The following GRIP1 variants were observed in gnomAD, a reference collection of about 807,000 sequenced individuals.
GRIP1 encodes the protein glutamate receptor-interacting protein 1.
In GRIP1, 45 loss-of-function variants were observed where a neutral mutation model predicts 129.9. The observed-to-expected ratio is 0.35, with a 90% CI of 0.27 to 0.44. GRIP1 has a LOEUF of 0.44. GRIP1 is among the 20% of genes least tolerant of loss of function. The probability of loss-of-function intolerance (pLI) is 1.00; values close to 1 mark genes in which losing one functional copy is unlikely to be tolerated. For missense variants in GRIP1, 1,196 were observed against 1,396.8 expected (o/e 0.86, Z 2.29); for synonymous variants, 530 against 520.8 (o/e 1.02, Z -0.24).
At chr12:66,795,391 TGA>T (rs2038666406) in intron 1 of GRIP1, among the ~76,000 whole-genome samples, 1 of 152,196 alleles carries the variant, frequency 6.6e-6, no homozygotes, top group Non-Finnish European at 1.5e-5. Context: ...AAGCACAATG[TGA>T]AAACATAAGA....
intron 1 of GRIP1, among the ~76,000 whole-genome samples, chr12:67,002,438 T>G (rs2042564642): frequency 6.6e-6 from 1 of 152,204 alleles, no homozygotes. Context: ...AGAATGCTGG[T>G]GTAGTGCATC....
chr12:67,018,196 C>A (rs2042815721), intron 1 of GRIP1, among the ~76,000 whole-genome samples: 2 of 152,000 alleles, frequency 1.3e-5, no homozygotes, highest in Non-Finnish European at 2.9e-5. Context: ...AAAGTCTGGG[C>A]CCAAGACTGT....
intron 1 of GRIP1, among the ~76,000 whole-genome samples, chr12:66,719,856 G>A (rs1350869497): frequency 6.6e-6 from 1 of 152,112 alleles, no homozygotes; most frequent in African/African-American, 2.4e-5. Flanking sequence ...GGAAACCTTG[G>A]GGTCATTCTA....
intron 20 of GRIP1, among the ~76,000 whole-genome samples, chr12:66,378,266 A>G (rs975044238): frequency 6.6e-6 from 1 of 151,524 alleles, no homozygotes; most frequent in Non-Finnish European, 1.5e-5. Context: ...ACATGGTGAA[A>G]CCCTGTCTCT....
chr12:67,039,701 G>C (rs2043147739), intron 1 of GRIP1, among the ~76,000 whole-genome samples: 1 of 152,076 alleles, frequency 6.6e-6, no homozygotes, highest in Non-Finnish European at 1.5e-5. Context: ...ATTATGAGGA[G>C]ACTTCTTTCT....
intron 1 of GRIP1, among the ~76,000 whole-genome samples, chr12:66,690,321 T>C (rs567276926): frequency 6.6e-6 from 1 of 152,162 alleles, no homozygotes; most frequent in South Asian, 2.1e-4. Context: ...CAGGCTCATC[T>C]ATATTGTAGT....
At chr12:66,932,140 CTGG>C (rs2041406406) in intron 1 of GRIP1, among the ~76,000 whole-genome samples, 1 of 102,438 alleles carries the variant, frequency 9.8e-6, no homozygotes, top group Non-Finnish European at 2.5e-5. Flanking sequence ...ATAAAGGCTC[CTGG>C]CCACCAATAT....
intron 2 of GRIP1, among the ~76,000 whole-genome samples, chr12:66,555,184 T>G (rs1349422314): frequency 6.6e-6 from 1 of 152,152 alleles, no homozygotes; most frequent in African/African-American, 2.4e-5. Context: ...CTTCCCCATC[T>G]CCAGGTGGCT....
At chr12:67,034,194 C>T (rs184469087) in intron 1 of GRIP1, among the ~76,000 whole-genome samples, 1 of 152,278 alleles carries the variant, frequency 6.6e-6, no homozygotes, top group African/African-American at 2.4e-5. Flanking sequence ...CAAAAGGAAC[C>T]TGCTGGAGGG....
In GRIP1 at chr12:66,506,145, T is replaced by C. The variant is rs531040003; in HGVS notation, c.724+9474A>G. Among the ~76,000 whole-genome samples, 3 of 152,306 alleles carry C rather than the reference T, an allele frequency of 2.0e-5. No individual in the cohort carries two copies. The South Asian group carries it at 6.2e-4, about 32-fold the overall frequency. On this transcript the variant is annotated intron_variant, in intron 7 of 24. Transcript: ENST00000359742. The stretch of plus-strand genomic sequence containing the variant: ...CTCGTTGGCAGTATCTACTAAAGCA[T>C]GTAACTGACATGTAACCTAAGGCCT...
chr12:66,863,733 G>T (rs142519927), intron 1 of GRIP1, among the ~76,000 whole-genome samples: 1 of 152,178 alleles, frequency 6.6e-6, no homozygotes, highest in Admixed American at 6.5e-5. Context: ...TTCCTCATAC[G>T]CCCTGTGTTA....
chr12:67,067,370 C>A (rs1174460849), intron 1 of GRIP1, among the ~76,000 whole-genome samples: 1 of 152,018 alleles, frequency 6.6e-6, no homozygotes, highest in Non-Finnish European at 1.5e-5. Flanking sequence ...CAAACTGATA[C>A]ATTTAATGCC....
intron 1 of GRIP1, among the ~76,000 whole-genome samples, chr12:66,627,817 C>T (rs1408213473): frequency 6.6e-6 from 1 of 152,064 alleles, no homozygotes; most frequent in Non-Finnish European, 1.5e-5. Context: ...AAGAAAATCT[C>T]CTTCTGCTAG....
At chr12:66,536,356 C>T (rs1049693419) in intron 4 of GRIP1, among the ~76,000 whole-genome samples, 1 of 152,152 alleles carries the variant, frequency 6.6e-6, no homozygotes, top group Non-Finnish European at 1.5e-5. Flanking sequence ...AACTTAAGGT[C>T]CTCCCAGTGG....
At chr12:66,383,719 C>G (rs1178428280) in intron 19 of GRIP1, among the ~76,000 whole-genome samples, 1 of 152,192 alleles carries the variant, frequency 6.6e-6, no homozygotes. Flanking sequence ...CTACCTGTTG[C>G]TCATCAGAAC....
intron 1 of GRIP1, among the ~76,000 whole-genome samples, chr12:66,639,787 C>T (rs909163540): frequency 6.6e-6 from 1 of 152,090 alleles, no homozygotes; most frequent in Non-Finnish European, 1.5e-5. Flanking sequence ...TTAAAAATTA[C>T]CACACATGAA....
intron 1 of GRIP1, among the ~76,000 whole-genome samples, chr12:67,020,560 G>T (rs7954008): frequency 0.019 from 2,926 of 152,032 alleles, 86 homozygotes; most frequent in African/African-American, 0.067. Context: ...GGTACAGGTG[G>T]TCTGGCAAAT....
At chr12:66,755,300 T>C (rs2037253126) in intron 1 of GRIP1, among the ~76,000 whole-genome samples, 1 of 152,196 alleles carries the variant, frequency 6.6e-6, no homozygotes, top group Non-Finnish European at 1.5e-5. Context: ...GATAAATAAC[T>C]AACTAGGACT....
chr12:66,524,263 A>G (rs1270029968), intron 5 of GRIP1, among the ~76,000 whole-genome samples: 2 of 152,190 alleles, frequency 1.3e-5, no homozygotes, highest in Non-Finnish European at 2.9e-5. Flanking sequence ...TCCAAAATTG[A>G]CCACATAGTT....
Sources: allele counts gnomAD v4.1 joint callset (sites outside exome capture counted in the v4.1 genomes callset), GRCh38; gene constraint gnomAD v4.1.1; transcripts MANE v1.5; gene names NCBI Gene and HGNC (gene_info 2026-07-23, HGNC 2026-07-21).